Variants in NRXN1 observed in about 807,000 individuals in gnomAD.
NRXN1 encodes neurexin-1.
Under a neutral mutation model 150.9 loss-of-function variants are expected in NRXN1, and 39 were observed. The ratio of observed to expected loss-of-function variants is 0.26; its 90% CI spans 0.20 to 0.34. The LOEUF (loss-of-function observed/expected upper bound fraction) is 0.34, where lower values mean the gene tolerates loss of function less well. NRXN1 is among the 10% of genes least tolerant of loss of function. NRXN1 has a pLI of 1.00. For synonymous variants in NRXN1, 924 were observed against 757.0 expected (o/e 1.22, Z -3.62); for missense variants, 1,815 against 1,949.9 (o/e 0.93, Z 1.30).
chr2:49,991,990 G>C (rs1295237042), intron 21 of NRXN1, among the ~76,000 whole-genome samples: 3 of 152,290 alleles, frequency 2.0e-5, no homozygotes, highest in Admixed American at 1.3e-4. Context: ...ATAAAGCAAA[G>C]ATAGTCTTTT....
chr2:50,132,421 T>C (rs913525375), intron 18 of NRXN1, among the ~76,000 whole-genome samples: 1 of 151,486 alleles, frequency 6.6e-6, no homozygotes, highest in African/African-American at 2.4e-5. Context: ...TTCTCCTGCC[T>C]CAGCCTTCCG....
At chr2:50,249,514 T>C (rs1037957670) in intron 17 of NRXN1, among the ~76,000 whole-genome samples, 55 of 152,120 alleles carry the variant, frequency 3.6e-4, no homozygotes, top group African/African-American at 1.2e-3. Context: ...AAATACTAAT[T>C]AAGCATTTAC....
intron 5 of NRXN1, among the ~76,000 whole-genome samples, chr2:50,649,195 A>G (rs898769779): frequency 8.5e-6 from 1 of 118,062 alleles, no homozygotes; most frequent in East Asian, 3.1e-4. Context: ...ATTAGTTGGG[A>G]GGTTCTTCTT....
At chr2:50,423,529 CAT>C (rs2084168511) in intron 17 of NRXN1, among the ~76,000 whole-genome samples, 1 of 152,090 alleles carries the variant, frequency 6.6e-6, no homozygotes, top group African/African-American at 2.4e-5. Context: ...GAGAGAGCAT[CAT>C]ACCAGTTCCA....
At chr2:50,600,314 A>C (rs1205567730) in intron 8 of NRXN1, among the ~76,000 whole-genome samples, 1 of 151,236 alleles carries the variant, frequency 6.6e-6, no homozygotes, top group Non-Finnish European at 1.5e-5. Context: ...AAAGTAGTTA[A>C]GACTAGCTTT....
chr2:50,107,159 G>A (rs1403623575), intron 18 of NRXN1, among the ~76,000 whole-genome samples: 1 of 151,624 alleles, frequency 6.6e-6, no homozygotes, highest in South Asian at 2.1e-4. Context: ...GATTAGCTGA[G>A]CCTTTCAAAG....
intron 8 of NRXN1, among the ~76,000 whole-genome samples, chr2:50,606,818 A>G (rs896565714): frequency 6.6e-6 from 1 of 152,124 alleles, no homozygotes; most frequent in African/African-American, 2.4e-5. Context: ...AGTAATACTT[A>G]AAGAAAAACT....
chr2:50,032,542 T>C (rs879748442), intron 21 of NRXN1, among the ~76,000 whole-genome samples: 3 of 152,096 alleles, frequency 2.0e-5, no homozygotes, highest in Admixed American at 6.6e-5. Context: ...GATTGCAATT[T>C]GAGAGCTAAA....
intron 8 of NRXN1, among the ~76,000 whole-genome samples, chr2:50,578,179 T>G (rs1671723465): frequency 6.6e-6 from 1 of 152,188 alleles, no homozygotes; most frequent in Non-Finnish European, 1.5e-5. Flanking sequence ...CTAGACTTTC[T>G]TGTGCTTTTT....
chr2:50,913,227 A>AT (rs1684779063), intron 5 of NRXN1, among the ~76,000 whole-genome samples: 1 of 151,800 alleles, frequency 6.6e-6, no homozygotes, highest in Non-Finnish European at 1.5e-5. Flanking sequence ...TTTCTGGCAG[A>AT]TTTTGCTACT....
At chr2:50,069,744 T>C (rs995085382) in intron 19 of NRXN1, among the ~76,000 whole-genome samples, 1 of 152,134 alleles carries the variant, frequency 6.6e-6, no homozygotes, top group African/African-American at 2.4e-5. Context: ...CTGAGACATT[T>C]CTCTGCATTC....
intron 21 of NRXN1, among the ~76,000 whole-genome samples, chr2:50,018,715 G>T (rs1420356715): frequency 1.3e-5 from 2 of 152,132 alleles, no homozygotes; most frequent in African/African-American, 4.8e-5. Flanking sequence ...TAACCATTCT[G>T]TTACAAAAAT....
At chr2:50,666,866 GA>G (rs1688100760) in intron 5 of NRXN1, among the ~76,000 whole-genome samples, 11 of 88,822 alleles carry the variant, frequency 1.2e-4, no homozygotes, top group Non-Finnish European at 1.9e-4. Flanking sequence ...TGATGATGAT[GA>G]TGATGATGAT....
intron 5 of NRXN1, among the ~76,000 whole-genome samples, chr2:50,725,622 T>C (rs1424954502): frequency 6.6e-6 from 1 of 152,138 alleles, no homozygotes; most frequent in Non-Finnish European, 1.5e-5. Flanking sequence ...CATAATCAGT[T>C]AAATGGTACA....
chr2:51,022,611 G>A (rs1383013334), intron 2 of NRXN1, among the ~76,000 whole-genome samples: 2 of 152,030 alleles, frequency 1.3e-5, no homozygotes, highest in African/African-American at 4.8e-5. Flanking sequence ...ATGAGTTTCT[G>A]TGACTCAGAG....
chr2:50,602,772 C>T (rs538299025), intron 8 of NRXN1, among the ~76,000 whole-genome samples: 1 of 152,292 alleles, frequency 6.6e-6, no homozygotes, highest in South Asian at 2.1e-4. Flanking sequence ...TGTTTTGAAT[C>T]TCATCCATCT....
chr2:50,987,787 T>G (rs966762676), intron 2 of NRXN1, among the ~76,000 whole-genome samples: 13 of 152,104 alleles, frequency 8.5e-5, no homozygotes, highest in African/African-American at 2.9e-4. Context: ...TGGAGATTAA[T>G]GGATAGCTAA....
chr2:50,246,290 G>T (rs1376572416), intron 17 of NRXN1, among the ~76,000 whole-genome samples: 1 of 151,952 alleles, frequency 6.6e-6, no homozygotes, highest in Non-Finnish European at 1.5e-5. Flanking sequence ...CTCTATACCA[G>T]AAAGGCTTTA....
intron 17 of NRXN1, among the ~76,000 whole-genome samples, chr2:50,370,706 A>G (rs1398731294): frequency 6.6e-6 from 1 of 152,048 alleles, no homozygotes; most frequent in East Asian, 1.9e-4. Context: ...GAAGAGGAAC[A>G]GAAAAAGAAG....
Sources: gnomAD v4.1 joint callset for allele counts (sites outside exome capture counted in the v4.1 genomes callset) on GRCh38, gnomAD v4.1.1 for gene constraint, MANE v1.5 for transcripts, NCBI Gene and HGNC (gene_info 2026-07-23, HGNC 2026-07-21) for gene names.